SPTBN1: variants seen among roughly 807,000 people sequenced by gnomAD.
The protein encoded by SPTBN1 is spectrin beta chain, non-erythrocytic 1.
A neutral mutation model predicts 266.4 loss-of-function variants in SPTBN1; 32 were observed. The ratio of observed to expected loss-of-function variants is 0.12; its 90% CI spans 0.09 to 0.16. SPTBN1 has a LOEUF of 0.16. Among genes scored for constraint, SPTBN1 ranks in the 10% least tolerant of loss-of-function variants. The probability of loss-of-function intolerance (pLI) is 1.00; values close to 1 mark genes in which losing one functional copy is unlikely to be tolerated. For missense variants in SPTBN1, 2,296 were observed against 3,067.1 expected, an observed-to-expected ratio of 0.75 and a Z score of 5.94; for synonymous variants, 1,336 against 1,162.2, an observed-to-expected ratio of 1.15 and a Z score of -3.04.
intron 29 of SPTBN1, 149 bp from the exon 30 acceptor site, chr2:54,657,700 CA>C: frequency 1.1e-6 from 1 of 879,674 alleles, no homozygotes. Flanking sequence ...GCTCACATTA[CA>C]TTTACATTGG....
intron 1 of SPTBN1, among the ~76,000 whole-genome samples, chr2:54,485,367 T>G (rs543861572): frequency 1.3e-5 from 2 of 152,288 alleles, no homozygotes; most frequent in East Asian, 3.9e-4. Flanking sequence ...GTTTTCGTAT[T>G]TTTTTGGTGG....
intron 2 of SPTBN1, among the ~76,000 whole-genome samples, chr2:54,547,333 A>G (rs566304634): frequency 2.0e-5 from 3 of 152,338 alleles, no homozygotes; most frequent in African/African-American, 7.2e-5. Flanking sequence ...AATTATATGT[A>G]TATGCCACAT....
intron 1 of SPTBN1, among the ~76,000 whole-genome samples, chr2:54,489,694 C>T: frequency 6.6e-6 from 1 of 151,872 alleles, no homozygotes; most frequent in Non-Finnish European, 1.5e-5. Flanking sequence ...GAGAGGGCAC[C>T]CTGTCTCAAA....
rs1024077383 is a variant in SPTBN1 at position 54,540,366 on chromosome 2, G to C, written c.148+13800G>C. On this transcript the variant is annotated intron_variant, in intron 2 of 35. Transcript: ENST00000356805. The surrounding 1 kb of genome is among the most constrained non-coding windows in gnomAD (Gnocchi z 5.6). ...CTGCAATGTTAACTTGGTAGAGATGGGTTTGGGAAATTTAAGGCATTGTTT... is the reference window on the plus strand; with the variant it reads ...CTGCAATGTTAACTTGGTAGAGATGCGTTTGGGAAATTTAAGGCATTGTTT... Among the ~76,000 whole-genome samples the C allele has an allele frequency of 1.3e-5, 2 of 152,154 alleles. No individual in the cohort carries two copies. Among genetic ancestry groups the C allele is most frequent in the Non-Finnish European group, 2.9e-5 (2 of 68,034 alleles).
chr2:54,644,630 A>G (rs773704392), intron 20 of SPTBN1, 44 bp downstream of exon 20: 2 of 1,570,010 alleles, frequency 1.3e-6, no homozygotes, highest in Non-Finnish European at 1.7e-6. Flanking sequence ...TTTCTGTTTT[A>G]CAGCCATAGT....
chr2:54,591,508 C>T (rs922621845), intron 2 of SPTBN1, among the ~76,000 whole-genome samples: 1 of 152,188 alleles, frequency 6.6e-6, no homozygotes, highest in African/African-American at 2.4e-5. Context: ...CGTGCAGGTT[C>T]AGACTACTTG....
At chr2:54,666,643 C>G (rs769202635) in intron 34 of SPTBN1, among the ~76,000 whole-genome samples, 9 of 152,164 alleles carry the variant, frequency 5.9e-5, no homozygotes, top group Non-Finnish European at 1.0e-4. Context: ...ATACATGTAT[C>G]TCCCTACAGA....
intron 1 of SPTBN1, among the ~76,000 whole-genome samples, chr2:54,478,924 A>G (rs10185449): frequency 0.018 from 2,796 of 152,206 alleles, 84 homozygotes; most frequent in African/African-American, 0.063. Context: ...GTATATATAT[A>G]TATGTTTTAT....
intron 4 of SPTBN1, among the ~76,000 whole-genome samples, chr2:54,612,763 G>C (rs556736383): frequency 2.0e-5 from 3 of 152,108 alleles, no homozygotes; most frequent in African/African-American, 7.2e-5. Flanking sequence ...ACATTTTTTG[G>C]CAAAGCTGTT....
intron 2 of SPTBN1, among the ~76,000 whole-genome samples, chr2:54,588,865 C>T (rs115533077): frequency 3.3e-5 from 5 of 152,228 alleles, no homozygotes; most frequent in African/African-American, 1.2e-4. Context: ...TGTTTTTTTA[C>T]ATTTGCTTTT....
chr2:54,475,476 C>T (rs561036679), intron 1 of SPTBN1, among the ~76,000 whole-genome samples: 5 of 152,198 alleles, frequency 3.3e-5, no homozygotes, highest in African/African-American at 1.2e-4. Context: ...TCACTCTTGC[C>T]TGCTCCCCTT....
chr2:54,605,907 C>T (rs912742188), intron 3 of SPTBN1, among the ~76,000 whole-genome samples: 2 of 152,194 alleles, frequency 1.3e-5, no homozygotes, highest in Non-Finnish European at 1.5e-5. Flanking sequence ...CACAGCCAGT[C>T]GCCATCAGCA....
chr2:54,577,798 A>G (rs533224763), intron 2 of SPTBN1, among the ~76,000 whole-genome samples: 4 of 152,224 alleles, frequency 2.6e-5, no homozygotes, highest in African/African-American at 9.6e-5. Flanking sequence ...CCTGTTGAGC[A>G]TTTTTCACCT....
rs761403914 is a variant in SPTBN1, at chr2:54,628,234, C to T, written c.1782C>T (p.Phe594=). 12 of 1,612,804 alleles carry T rather than the reference C, an allele frequency of 7.4e-6. No individual in the cohort carries two copies. The highest frequency in any genetic ancestry group is 6.7e-5 in the Admixed American group (4 of 59,824). The change falls in exon 13 of 36, where the codon TTC becomes TTT. Residue 594 remains phenylalanine (F), a synonymous_variant. Transcript: ENST00000356805. This position sits in a 1 kb window ranked among gnomAD's most constrained non-coding sequence, Gnocchi z 4.3. ...GTGTCAATGCCTCCGCCCAGAAGTTCGCAACAGACGGGGAAGGTAAGGATG... is the reference window on the plus strand; with the variant it reads ...GTGTCAATGCCTCCGCCCAGAAGTTTGCAACAGACGGGGAAGGTAAGGATG... ...VRGVNASAQK[F]ATDGEGYKPC...
chr2:54,545,102 G>A (rs1573382100), intron 2 of SPTBN1, among the ~76,000 whole-genome samples: 1 of 152,306 alleles, frequency 6.6e-6, no homozygotes, highest in South Asian at 2.1e-4. Context: ...CAAAGGACAT[G>A]AACTCATCCT....
At chr2:54,473,771 T>G (rs1694046349) in intron 1 of SPTBN1, among the ~76,000 whole-genome samples, 1 of 152,250 alleles carries the variant, frequency 6.6e-6, no homozygotes, top group Non-Finnish European at 1.5e-5. Context: ...ACTCAAATGT[T>G]CCTTTTCTGG....
At chr2:54,552,805 C>T (rs1341092926) in intron 2 of SPTBN1, among the ~76,000 whole-genome samples, 1 of 152,186 alleles carries the variant, frequency 6.6e-6, no homozygotes, top group Non-Finnish European at 1.5e-5. Context: ...ATGTCCAAGC[C>T]CTGATTCAAA....
intron 32 of SPTBN1, chr2:54,661,231 C>A: frequency 4.1e-6 from 4 of 985,788 alleles, no homozygotes; most frequent in Non-Finnish European, 3.6e-6. Flanking sequence ...CACAAAAATC[C>A]TTTTCCTTAG....
At chr2:54,609,115 T>C (rs1677050437) in intron 3 of SPTBN1, among the ~76,000 whole-genome samples, 1 of 152,174 alleles carries the variant, frequency 6.6e-6, no homozygotes, top group Non-Finnish European at 1.5e-5. Context: ...GGTGTAACTT[T>C]ATGGAAATAA....
Sources: allele counts gnomAD v4.1 joint callset (sites outside exome capture counted in the v4.1 genomes callset), GRCh38; gene constraint gnomAD v4.1.1; non-coding constraint Gnocchi (gnomAD v3.1); transcripts MANE v1.5; gene names NCBI Gene and HGNC (gene_info 2026-07-23, HGNC 2026-07-21).